ANO7: variants seen among roughly 807,000 people sequenced by gnomAD.
ANO7 encodes the protein anoctamin-7.
ANO7 carries 114 observed loss-of-function variants against 115.8 expected under a neutral mutation model. The ratio of observed to expected loss-of-function variants is 0.98; its 90% CI spans 0.85 to 1.15. ANO7 has a LOEUF of 1.15. ANO7 is among the 50% of genes most tolerant of loss of function. The probability of loss-of-function intolerance (pLI) is 0.00; values close to 1 mark genes in which losing one functional copy is unlikely to be tolerated. For synonymous variants in ANO7, 550 were observed against 498.2 expected, an observed-to-expected ratio of 1.10 and a Z score of -1.38; for missense variants, 1,302 against 1,201.2, an observed-to-expected ratio of 1.08 and a Z score of -1.24.
the ANO7 span, chr2:241,235,640 AGTGAC>A: frequency 7.2e-7 from 1 of 1,385,152 alleles, no homozygotes; most frequent in Admixed American, 1.7e-5. Context: ...CTGAGAGCAG[AGTGAC>A]GTTGTAAGCT....
intron 19 of ANO7, 46 bp from the exon 20 acceptor site, chr2:241,217,640 A>G: frequency 6.5e-7 from 1 of 1,536,472 alleles, no homozygotes; most frequent in Non-Finnish European, 8.8e-7. Context: ...CCGAGGGCTG[A>G]GGGCGGACGG....
At chr2:241,235,341 A>T in the ANO7 span, 4 of 1,567,604 alleles carry the variant, frequency 2.6e-6, no homozygotes, top group Non-Finnish European at 3.5e-6. Context: ...AAGTGGTGAG[A>T]GGGAAGGCCA....
Position 241,189,942 on chromosome 2 carries a change from T to C in ANO7, c.-7-115T>C, listed in dbSNP as rs900521931. On this transcript the variant is annotated intron_variant, in intron 1 of 24. Transcript: ENST00000674324. The stretch of plus-strand genomic sequence containing the variant: ...CTGCCGAGCCAGCCCAGCCCCATTC[T>C]ACTCCGAGTCGAGTCTGTAAAGTGA... The C allele has an allele frequency of 7.9e-5, 61 of 769,746 alleles. No individual in the cohort carries two copies. In the African/African-American group the frequency reaches 1.0e-3, roughly 13 times the overall value. The allele number at this position is 769,746 out of a possible 1,614,324, so 47.7% of individuals were successfully genotyped here.
At chr2:241,202,690 C>T (rs183787857) in intron 8 of ANO7, among the ~76,000 whole-genome samples, 64 of 152,356 alleles carry the variant, frequency 4.2e-4, no homozygotes, top group African/African-American at 7.5e-4. Context: ...GGGCAGCTGC[C>T]GCTGCACCTG....
In ANO7 at chr2:241,211,858, C is replaced by T. The variant is rs1000682869; in HGVS notation, c.1562-236C>T. Among the ~76,000 whole-genome samples, 12 of 152,318 alleles carry T rather than the reference C, an allele frequency of 7.9e-5. No individual in the cohort carries two copies. The Middle Eastern group carries it at 0.017, about 216-fold the overall frequency. ...CATCCCCTGACCACTCACCCGTGTG[C>T]ACCACATTCATTATTAGTGTTGGGA... On this transcript the variant is annotated intron_variant, in intron 15 of 24. Transcript: ENST00000674324.
intron 7 of ANO7, 70 bp downstream of exon 7, chr2:241,201,425 C>T: frequency 2.6e-6 from 4 of 1,530,326 alleles, no homozygotes; most frequent in South Asian, 1.2e-5. Flanking sequence ...AGCCCCCAGC[C>T]TCCATGGATG....
chr2:241,216,120 C>CCGGCTT lies in ANO7; in HGVS notation c.1857_1862dup (p.Leu620_Arg621dup), dbSNP rs759324292. ...AGCTAAAGGGCTGGTGGCAGAAGTTCCGGCTTCGCTCCAAGAAGAGGAAGG... is the reference window on the plus strand; with the variant it reads ...AGCTAAAGGGCTGGTGGCAGAAGTTCCGGCTTCGGCTTCGCTCCAAGAAGAGGAAGG... On this transcript the variant is annotated inframe_insertion, in exon 19 of 25. Coordinates refer to ENST00000674324, the MANE Select transcript of ANO7 (RefSeq NM_001370694.2). 1.9e-6 allele frequency: 3 copies of CCGGCTT among 1,611,220 alleles called. No homozygotes were observed. In the East Asian group the frequency reaches 6.7e-5, roughly 36 times the overall value.
intron 4 of ANO7, among the ~76,000 whole-genome samples, chr2:241,196,890 T>C (rs1436626752): frequency 6.6e-6 from 1 of 150,910 alleles, no homozygotes; most frequent in Non-Finnish European, 1.5e-5. Context: ...TGTGTCCTTG[T>C]GCCTGTGTGC....
chr2:241,210,571 G>A lies in ANO7; in HGVS notation c.1561+1G>A, dbSNP rs146681959. The A allele has an allele frequency of 1.2e-6, 2 of 1,613,270 alleles. No individual in the cohort carries two copies. The highest frequency in any genetic ancestry group is 1.1e-5 in the South Asian group (1 of 91,082). On this transcript the variant is annotated splice_donor_variant, in intron 15 of 24. Transcript: ENST00000674324. LOFTEE classifies it high-confidence loss of function. Reference sequence around the variant, plus strand: ...CTGGCCCACGTCCTGACACGATGGGGTGAGTGGGCTGAGGCCGGCCAGGCA... The same window carrying A: ...CTGGCCCACGTCCTGACACGATGGGATGAGTGGGCTGAGGCCGGCCAGGCA...
chr2:241,231,929 A>G, the ANO7 span, among the ~76,000 whole-genome samples: 1 of 151,778 alleles, frequency 6.6e-6, no homozygotes, highest in African/African-American at 2.4e-5. Flanking sequence ...ACTAGAGGAC[A>G]GGGACAAATC....
intron 5 of ANO7, among the ~76,000 whole-genome samples, chr2:241,199,629 G>A (rs12614768): frequency 0.022 from 3,403 of 152,312 alleles, 247 homozygotes; most frequent in East Asian, 0.19. Context: ...CTCCCGGGAG[G>A]TGGGGTCGGG....
chr2:241,239,542 C>A, the ANO7 span: 1 of 1,400,052 alleles, frequency 7.1e-7, no homozygotes. This position sits in a 1 kb window ranked among gnomAD's most constrained non-coding sequence, Gnocchi z 4.6. Flanking sequence ...CACTCATACA[C>A]GGCTTCGGTG....
At chr2:241,234,041 C>A in the ANO7 span, 4 of 1,524,962 alleles carry the variant, frequency 2.6e-6, no homozygotes, top group South Asian at 4.6e-5. Context: ...CCACCCTGGT[C>A]ATAGGACACT....
chr2:241,210,610 CA>C (rs1363156661), intron 15 of ANO7, 40 bp downstream of exon 15: 4 of 1,568,418 alleles, frequency 2.6e-6, no homozygotes, highest in Non-Finnish European at 3.5e-6. Context: ...ACCAGGGGCC[CA>C]CCCTGCCGGC....
chr2:241,227,999 T>A (rs937928454), downstream of ANO7: 2 of 152,252 alleles, frequency 1.3e-5, no homozygotes, highest in Non-Finnish European at 2.9e-5. Context: ...CAGGGCTGCC[T>A]GAGCAAATGG....
chr2:241,225,657 C>T lies in ANO7; in HGVS notation c.*1504C>T, dbSNP rs1008292901. Among the ~76,000 whole-genome samples, 1 of 148,794 alleles carries T rather than the reference C, an allele frequency of 6.7e-6. No individual in the cohort carries two copies. Among genetic ancestry groups the T allele is most frequent in the African/African-American group, 2.5e-5 (1 of 39,380 alleles). On this transcript the variant is annotated 3_prime_UTR_variant, in exon 25 of 25. Transcript: ENST00000674324. ...CTATTTCACCCACCGTGATGCCTGG[C>T]CTGAGGGCGGCGTGCTTGCTTGTAG...
At chr2:241,209,453 GT>G in intron 12 of ANO7, 25 bp downstream of exon 12, 2 of 1,599,758 alleles carry the variant, frequency 1.3e-6, no homozygotes, top group Non-Finnish European at 1.7e-6. Flanking sequence ...CTGGACCACG[GT>G]CACACCCGGC....
At chr2:241,219,418 T>C (rs1212953506) in intron 21 of ANO7, among the ~76,000 whole-genome samples, 1 of 152,214 alleles carries the variant, frequency 6.6e-6, no homozygotes, top group Non-Finnish European at 1.5e-5. Flanking sequence ...TTATTCTTTA[T>C]CTTTTTTATT....
At position 241,200,173 on chromosome 2, in the gene ANO7, G is replaced by A. The variant is rs141587894; in HGVS notation, c.502G>A (p.Asp168Asn). Residue 168 changes from aspartate (D) to asparagine (N), a missense_variant, in exon 6 of 25, where the codon GAC becomes AAC. Transcript: ENST00000674324. ...IPNVLLEVVP[D>N]VPPEYYSCRF... Reference sequence around the variant, plus strand: ...CAACGTCCTGCTGGAGGTTGTGCCAGACGTACCCCCCGAGTACTACTCCTG... The same window carrying A: ...CAACGTCCTGCTGGAGGTTGTGCCAAACGTACCCCCCGAGTACTACTCCTG... 3.1e-6 allele frequency: 5 copies of A among 1,613,182 alleles called. No individual in the cohort carries two copies. Among genetic ancestry groups the A allele is most frequent in the East Asian group, 2.2e-5 (1 of 44,884 alleles).
Sources: gnomAD v4.1 joint callset for allele counts (sites outside exome capture counted in the v4.1 genomes callset) on GRCh38, gnomAD v4.1.1 for gene constraint, Gnocchi (gnomAD v3.1) non-coding constraint, MANE v1.5 for transcripts, NCBI Gene and HGNC (gene_info 2026-07-23, HGNC 2026-07-21) for gene names.